The following TAF1 variants were observed in gnomAD, a reference collection of about 807,000 sequenced individuals.
TAF1 encodes transcription initiation factor TFIID subunit 1.
In TAF1, 2 loss-of-function variants were observed where a neutral mutation model predicts 138.5. That is an observed-to-expected ratio of 0.01 (90% CI 0.01 to 0.05). TAF1 has a LOEUF of 0.05. Among genes scored for constraint, TAF1 ranks in the 10% least tolerant of loss-of-function variants. The probability of loss-of-function intolerance (pLI) is 1.00; values close to 1 mark genes in which losing one functional copy is unlikely to be tolerated. For synonymous variants in TAF1, 437 were observed against 503.2 expected, an observed-to-expected ratio of 0.87 and a Z score of 1.76; for missense variants, 709 against 1,478.0, an observed-to-expected ratio of 0.48 and a Z score of 8.53.
downstream of TAF1, among the ~76,000 whole-genome samples, chrX:71,469,723 C>T (rs929740994): frequency 1.7e-4 from 19 of 110,511 alleles, no homozygotes; most frequent in African/African-American, 3.9e-4. Context: ...TATTTTGAGA[C>T]GGAGTTTCGC....
chrX:71,403,703 T>C (rs940542641), intron 25 of TAF1, among the ~76,000 whole-genome samples: 3 of 111,461 alleles, frequency 2.7e-5, no homozygotes, highest in African/African-American at 9.8e-5. Context: ...AAATGGTAAT[T>C]TTTCTAATTC....
chrX:71,383,858 A>C, intron 12 of TAF1, 104 bp from the exon 13 acceptor site: 1 of 958,986 alleles, frequency 1.0e-6, no homozygotes, highest in Non-Finnish European at 1.4e-6. Flanking sequence ...GAAATTGGAA[A>C]ATAGGTAAAA....
chrX:71,501,649 G>T (rs1372805773), intron 13 of TAF1, among the ~76,000 whole-genome samples: 1 of 111,265 alleles, frequency 9.0e-6, no homozygotes, highest in Non-Finnish European at 1.9e-5. Context: ...TCGACCCTCG[G>T]CTCAGCCTGC....
intron 3 of TAF1, among the ~76,000 whole-genome samples, chrX:71,371,868 A>C (rs2033084583): frequency 8.9e-6 from 1 of 112,014 alleles, no homozygotes; most frequent in Admixed American, 9.5e-5. Flanking sequence ...TTTTGTGAGA[A>C]TTGAAGTTCA....
In TAF1 at chrX:71,452,886, C is replaced by T. The variant is rs770722010; in HGVS notation, c.4754-1284C>T. On this transcript the variant is annotated intron_variant, in intron 32 of 37. Coordinates refer to ENST00000423759, the MANE Select transcript of TAF1 (RefSeq NM_004606.5). ...CCAGCCCGGCCAACACAGCGAAACC[C>T]GGTCTCCACCAAAAAAATACGAAAA... Among the ~76,000 whole-genome samples the T allele has an allele frequency of 3.6e-5, 4 of 112,423 alleles. No homozygotes were observed. In the East Asian group the frequency reaches 1.1e-3, roughly 32 times the overall value.
intron 13 of TAF1, among the ~76,000 whole-genome samples, chrX:71,483,279 C>T (rs1230327366): frequency 9.3e-6 from 1 of 107,233 alleles, no homozygotes; most frequent in Non-Finnish European, 1.9e-5. Context: ...TGAGCCACCA[C>T]GCCTGGCCAA....
chrX:71,413,356 GTCTA>G (rs1406350199), intron 28 of TAF1, among the ~76,000 whole-genome samples: 1 of 111,801 alleles, frequency 8.9e-6, no homozygotes, highest in Admixed American at 9.6e-5. Context: ...ACTTGTTATT[GTCTA>G]TCTTTTTCCT....
chrX:71,430,940 G>A (rs1368905778), intron 32 of TAF1, among the ~76,000 whole-genome samples: 3 of 109,282 alleles, frequency 2.7e-5, no homozygotes, highest in East Asian at 5.7e-4. Context: ...GTATTGGGGT[G>A]GGACATCTAA....
intron 13 of TAF1, among the ~76,000 whole-genome samples, chrX:71,476,810 A>T (rs903585650): frequency 8.9e-6 from 1 of 111,768 alleles, no homozygotes; most frequent in African/African-American, 3.2e-5. Flanking sequence ...ATTGCAGATT[A>T]TTCAATAAAC....
rs1002139058 is a variant in TAF1, at chrX:71,377,791, A to G, written c.903A>G (p.Pro301=). ...SLWNYDYAPP[P]PPEQCLSDDE... ...GGAACTACGACTACGCTCCACCACC[A>G]CCTCCAGAGCAGTGTCTCTCTGATG... Residue 301 remains proline, a synonymous_variant, in exon 6 of 38, where the codon CCA becomes CCG. Transcript: ENST00000423759. 4.1e-6 allele frequency: 5 copies of G among 1,208,439 alleles called. No individual in the cohort carries two copies. The East Asian group carries it at 1.2e-4, about 29-fold the overall frequency.
intron 25 of TAF1, among the ~76,000 whole-genome samples, chrX:71,402,370 AGTGCTGGGATTACAGGC>A (rs1392054968): frequency 8.9e-6 from 1 of 112,132 alleles, no homozygotes; most frequent in African/African-American, 3.2e-5. Flanking sequence ...GGCCTCCCAG[AGTGCTGGGATTACAGGC>A]GTGCTGGGAT....
At chrX:71,486,128 C>T (rs2039166817) in intron 13 of TAF1, among the ~76,000 whole-genome samples, 1 of 109,570 alleles carries the variant, frequency 9.1e-6, no homozygotes, top group Non-Finnish European at 1.9e-5. Context: ...GATCATGGCT[C>T]GCTGCAGCTT....
rs768350586 is a variant in TAF1 at position 71,421,383 on chromosome X, CAGTT to C, written c.4452+10_4452+13del. ...TGATGAAAAACTCAAAGAGGTAAGA[CAGTT>C]AGAATGAGAGAAAGGCAGTGGAATT... On this transcript the variant is annotated splice_region_variant and intron_variant, in intron 29 of 37. Coordinates refer to ENST00000423759, the MANE Select transcript of TAF1 (RefSeq NM_004606.5). 446 of 1,035,540 alleles carry C rather than the reference CAGTT, an allele frequency of 4.3e-4. No individual in the cohort carries two copies. In the African/African-American group the frequency reaches 7.1e-3, roughly 17 times the overall value. The allele number at this position is 1,035,540 out of a possible 1,213,427, so 85.3% of individuals were successfully genotyped here. A position where few individuals can be genotyped will look rare whatever the true frequency, so the allele number is the denominator to read the frequency against.
In TAF1 at chrX:71,483,780, C is replaced by CTCTCTA. The variant is rs1164519184; in HGVS notation, c.1366+22978_1366+22979insCTCTAT. Among the ~76,000 whole-genome samples the CTCTCTA allele has an allele frequency of 4.2e-3, 158 of 37,547 alleles. 1 individual carries two copies. The highest frequency in any genetic ancestry group is 0.021 in the East Asian group (21 of 1,006). The allele number at this position is 37,547 out of a possible 115,157, so 32.6% of individuals were successfully genotyped here. A position where few individuals can be genotyped will look rare whatever the true frequency, so the allele number is the denominator to read the frequency against. ...TCTCTCTCTCTCTCTCTCTCTCTCT[C>CTCTCTA]TATATATATATATATATATATATAC... On this transcript the variant is annotated intron_variant and NMD_transcript_variant, in intron 13 of 14. Coordinates refer to the TAF1 transcript ENST00000373775.
rs1034428073 is a variant in TAF1, at chrX:71,379,104, G to C, written c.1360+73G>C. 1.2e-4 allele frequency: 45 copies of C among 370,426 alleles called. No homozygotes were observed. In the African/African-American group the frequency reaches 1.9e-3, roughly 15 times the overall value. 30.5% of individuals were successfully genotyped at this position (370,426 alleles called of 1,213,427 possible). ...AGTCACCATAAGTGGGCTCAGCTGTGATTTTTTTTTTTTTTTTTTTTTTTC... is the reference window on the plus strand; with the variant it reads ...AGTCACCATAAGTGGGCTCAGCTGTCATTTTTTTTTTTTTTTTTTTTTTTC... On this transcript the variant is annotated intron_variant, in intron 8 of 37. Coordinates refer to ENST00000423759, the MANE Select transcript of TAF1 (RefSeq NM_004606.5).
At chrX:71,385,084 A>C (rs757261426) in intron 14 of TAF1, 35 bp downstream of exon 14, 6 of 1,068,246 alleles carry the variant, frequency 5.6e-6, no homozygotes, top group Non-Finnish European at 7.7e-6. Flanking sequence ...CTGTTAACTA[A>C]GGAAATTGAT....
chrX:71,520,125 T>A (rs1358596860), intron 13 of TAF1, among the ~76,000 whole-genome samples: 2 of 75,456 alleles, frequency 2.7e-5, no homozygotes, highest in Non-Finnish European at 2.3e-5. Context: ...GAAGGCATTT[T>A]ATTTTATTTA....
Position 71,423,339 on chromosome X carries a change from G to A in TAF1, c.4575+100G>A. 3 of 1,119,143 alleles carry A rather than the reference G, an allele frequency of 2.7e-6. No homozygotes were observed. In the African/African-American group the frequency reaches 5.4e-5, roughly 20 times the overall value. The allele number at this position is 1,119,143 out of a possible 1,213,427, so 92.2% of individuals were successfully genotyped here. A position where few individuals can be genotyped will look rare whatever the true frequency, so the allele number is the denominator to read the frequency against. ...TGTATTTTGGAGAGTCTGAGTGGTG[G>A]TGTATGTCAGTTGTGACTGGTATGT... On this transcript the variant is annotated intron_variant, in intron 30 of 37. Coordinates refer to ENST00000423759, the MANE Select transcript of TAF1 (RefSeq NM_004606.5).
At chrX:71,378,550 G>A in intron 7 of TAF1, 97 bp downstream of exon 7, 1 of 1,011,319 alleles carries the variant, frequency 9.9e-7, no homozygotes, top group Non-Finnish European at 1.4e-6. Context: ...TGGGTGGTAG[G>A]GTTTCTTTGG....
Sources: allele counts gnomAD v4.1 joint callset (sites outside exome capture counted in the v4.1 genomes callset), GRCh38; gene constraint gnomAD v4.1.1; transcripts MANE v1.5; gene names NCBI Gene and HGNC (gene_info 2026-07-23, HGNC 2026-07-21).